The following EFNA5 variants were observed in gnomAD, a reference collection of about 807,000 sequenced individuals.
EFNA5 encodes ephrin-A5.
Under a neutral mutation model 22.9 loss-of-function variants are expected in EFNA5, and 5 were observed. The ratio of observed to expected loss-of-function variants is 0.22; its 90% CI spans 0.11 to 0.46. The LOEUF is 0.46. EFNA5 is among the 20% of genes least tolerant of loss of function. The pLI is 0.99. For missense variants in EFNA5, 237 were observed against 293.3 expected, an observed-to-expected ratio of 0.81 and a Z score of 1.40; for synonymous variants, 113 against 112.2, an observed-to-expected ratio of 1.01 and a Z score of -0.04.
intron 1 of EFNA5, among the ~76,000 whole-genome samples, chr5:107,536,104 A>G (rs1747923915): frequency 1.3e-5 from 2 of 152,194 alleles, no homozygotes; most frequent in South Asian, 4.1e-4. Context: ...GATATGAGGG[A>G]GGCATTCACT....
At chr5:107,642,815 T>C (rs1750554921) in intron 1 of EFNA5, among the ~76,000 whole-genome samples, 1 of 152,128 alleles carries the variant, frequency 6.6e-6, no homozygotes, top group African/African-American at 2.4e-5. Flanking sequence ...TAGGGATCAC[T>C]TTAAACAGAG....
intron 1 of EFNA5, among the ~76,000 whole-genome samples, chr5:107,558,182 A>C (rs1748464955): frequency 6.6e-6 from 1 of 152,138 alleles, no homozygotes; most frequent in Non-Finnish European, 1.5e-5. Context: ...GCTTACACCG[A>C]AATATTCGAA....
intron 1 of EFNA5, among the ~76,000 whole-genome samples, chr5:107,568,387 CAGTT>C (rs750268548): frequency 2.0e-5 from 3 of 152,264 alleles, no homozygotes; most frequent in East Asian, 1.9e-4. Flanking sequence ...AATTGAGAGA[CAGTT>C]AGACCAGGGA....
intron 1 of EFNA5, among the ~76,000 whole-genome samples, chr5:107,462,820 T>C (rs1300809718): frequency 2.0e-5 from 3 of 152,316 alleles, no homozygotes; most frequent in African/African-American, 7.2e-5. Context: ...CCCAAATCCA[T>C]TGTATGAATG....
intron 1 of EFNA5, among the ~76,000 whole-genome samples, chr5:107,561,041 C>A (rs1360572734): frequency 1.3e-5 from 2 of 152,164 alleles, no homozygotes; most frequent in African/African-American, 2.4e-5. Context: ...AGAACAGGTA[C>A]AGCAGACAGA....
chr5:107,666,741 T>G (rs772988016), intron 1 of EFNA5, among the ~76,000 whole-genome samples: 1 of 152,128 alleles, frequency 6.6e-6, no homozygotes, highest in Non-Finnish European at 1.5e-5. Context: ...AGGAGATATG[T>G]TTAATTACCC....
chr5:107,564,298 C>T (rs1169786475), intron 1 of EFNA5, among the ~76,000 whole-genome samples: 1 of 152,220 alleles, frequency 6.6e-6, no homozygotes, highest in Non-Finnish European at 1.5e-5. Context: ...CTAGCCTTCC[C>T]TCCATTCTGC....
intron 1 of EFNA5, among the ~76,000 whole-genome samples, chr5:107,548,392 TA>T (rs557502590): frequency 4.6e-5 from 7 of 152,192 alleles, no homozygotes; most frequent in Non-Finnish European, 1.0e-4. Flanking sequence ...ATGGTCAAAA[TA>T]TTTTTTTCCT....
At chr5:107,661,928 A>C (rs1045788880) in intron 1 of EFNA5, among the ~76,000 whole-genome samples, 1 of 152,164 alleles carries the variant, frequency 6.6e-6, no homozygotes, top group Non-Finnish European at 1.5e-5. Context: ...GTTTCATATA[A>C]AAATACTTTC....
intron 1 of EFNA5, among the ~76,000 whole-genome samples, chr5:107,468,701 A>C (rs1368464787): frequency 6.6e-6 from 1 of 152,188 alleles, no homozygotes; most frequent in Admixed American, 6.5e-5. Flanking sequence ...GCTTACATTA[A>C]AACTCATGAA....
chr5:107,461,490 G>A (rs1275941401), intron 1 of EFNA5, among the ~76,000 whole-genome samples: 3 of 151,804 alleles, frequency 2.0e-5, no homozygotes, highest in Non-Finnish European at 4.4e-5. Flanking sequence ...ATATAGAGGG[G>A]GGAAAAAAAG....
At chr5:107,404,760 T>C (rs1748165686) in intron 2 of EFNA5, among the ~76,000 whole-genome samples, 1 of 152,170 alleles carries the variant, frequency 6.6e-6, no homozygotes, top group Non-Finnish European at 1.5e-5. Flanking sequence ...CTTCAAATAT[T>C]TGTTTCATAA....
At chr5:107,456,667 C>T (rs938790757) in intron 1 of EFNA5, among the ~76,000 whole-genome samples, 2 of 152,122 alleles carry the variant, frequency 1.3e-5, no homozygotes, top group East Asian at 1.9e-4. Flanking sequence ...CACACTTGTC[C>T]CAGCAAATCA....
Position 107,438,926 on chromosome 5 carries a change from T to A in EFNA5, c.126-11417A>T, listed in dbSNP as rs151054110. 2.9e-3 allele frequency among the ~76,000 whole-genome samples: 441 copies of A among 152,330 alleles called. 2 individuals are homozygous for A. Among genetic ancestry groups the A allele is most frequent in the South Asian group, 7.2e-3 (35 of 4,832 alleles). The stretch of plus-strand genomic sequence containing the variant: ...CAACCATCATCAGAATGTGTTAGCA[T>A]GAGCCACTGTGAGGTGGAGGAAGCA... On this transcript the variant is annotated intron_variant, in intron 1 of 4. Coordinates refer to ENST00000333274, the MANE Select transcript of EFNA5 (RefSeq NM_001962.3).
chr5:107,582,391 T>C (rs1468964672), intron 1 of EFNA5, among the ~76,000 whole-genome samples: 4 of 152,220 alleles, frequency 2.6e-5, no homozygotes, highest in African/African-American at 7.2e-5. Context: ...CTTTAGCAAA[T>C]GTAAGACAGG....
intron 2 of EFNA5, among the ~76,000 whole-genome samples, chr5:107,421,973 T>C (rs1180563213): frequency 6.6e-6 from 1 of 152,142 alleles, no homozygotes; most frequent in Non-Finnish European, 1.5e-5. Flanking sequence ...GCATTTTTAG[T>C]AGAGATGGGG....
intron 1 of EFNA5, among the ~76,000 whole-genome samples, chr5:107,520,897 C>A: frequency 6.6e-6 from 1 of 152,166 alleles, no homozygotes; most frequent in Non-Finnish European, 1.5e-5. Context: ...TGTAGTCATA[C>A]ACAATATTTA....
intron 1 of EFNA5, among the ~76,000 whole-genome samples, chr5:107,543,277 T>C (rs888521730): frequency 6.6e-6 from 1 of 152,210 alleles, no homozygotes; most frequent in Non-Finnish European, 1.5e-5. Flanking sequence ...GACTCCAGGT[T>C]AAAAAACAAC....
chr5:107,532,880 C>G (rs1277648615), intron 1 of EFNA5, among the ~76,000 whole-genome samples: 1 of 152,180 alleles, frequency 6.6e-6, no homozygotes, highest in Non-Finnish European at 1.5e-5. Context: ...CTAAGGTGTT[C>G]ACACCACTGT....
Sources: allele counts gnomAD v4.1 joint callset (sites outside exome capture counted in the v4.1 genomes callset), GRCh38; gene constraint gnomAD v4.1.1; transcripts MANE v1.5; gene names NCBI Gene and HGNC (gene_info 2026-07-23, HGNC 2026-07-21).